SLC47A2: variants seen among roughly 807,000 people sequenced by gnomAD.
SLC47A2 encodes multidrug and toxin extrusion protein 2.
In SLC47A2, 52 loss-of-function variants were observed where a neutral mutation model predicts 67.7. The ratio of observed to expected loss-of-function variants is 0.77; its 90% CI spans 0.61 to 0.97. SLC47A2 has a LOEUF of 0.97. Ranked by LOEUF, SLC47A2 falls within the 50% of genes least tolerant of loss-of-function variation. SLC47A2 has a pLI of 0.00. For missense variants in SLC47A2, 676 were observed against 712.3 expected (o/e 0.95, Z 0.58); for synonymous variants, 278 against 292.9 (o/e 0.95, Z 0.52).
At chr17:19,704,530 G>GA in intron 10 of SLC47A2, 1 of 1,062,976 alleles carries the variant, frequency 9.4e-7, no homozygotes. Flanking sequence ...CTCCCTGTAA[G>GA]AAAAAAGATA....
At chr17:19,714,938 C>T (rs2086209580) in intron 2 of SLC47A2, 149 bp from the exon 3 acceptor site, 1 of 1,300,328 alleles carries the variant, frequency 7.7e-7, no homozygotes, top group Non-Finnish European at 1.1e-6. Flanking sequence ...GCTGTGTGCC[C>T]CAGGGCCAGA....
At position 19,678,734 on chromosome 17, in the gene SLC47A2, G is replaced by A. The variant is rs772187099; in HGVS notation, c.1653C>T (p.Ala551=). The change falls in exon 17 of 17, where the codon GCC becomes GCT. Residue 551 remains alanine, a synonymous_variant. Coordinates refer to ENST00000433844, the MANE Select transcript of SLC47A2 (RefSeq NM_001099646.3). Reference sequence around the variant, plus strand: ...TGACCGTGAGCCCCACCATCAGTGTGGCTGACGCCGCCCCCAGAGCAGCCC... The same window carrying A: ...TGACCGTGAGCCCCACCATCAGTGTAGCTGACGCCGCCCCCAGAGCAGCCC... ...RRGAALGAAS[A]TLMVGLTVRI... 2 of 1,613,746 alleles carry A rather than the reference G, an allele frequency of 1.2e-6. No individual in the cohort carries two copies. Among genetic ancestry groups the A allele is most frequent in the Non-Finnish European group, 1.7e-6 (2 of 1,180,046 alleles).
intron 13 of SLC47A2, among the ~76,000 whole-genome samples, chr17:19,701,592 C>T (rs1453510151): frequency 6.6e-6 from 1 of 152,192 alleles, no homozygotes; most frequent in Non-Finnish European, 1.5e-5. Context: ...GAAGAATTCA[C>T]GTAACTCCAG....
intron 2 of SLC47A2, 92 bp from the exon 3 acceptor site, chr17:19,714,881 T>C (rs1399906512): frequency 9.6e-6 from 15 of 1,561,126 alleles, no homozygotes; most frequent in Non-Finnish European, 1.3e-5. Context: ...CAGGAAATGC[T>C]GCCCAGCAGG....
chr17:19,706,753 T>C lies in SLC47A2; in HGVS notation c.736A>G (p.Ser246Gly). Residue 246 changes from serine to glycine, a missense_variant, in exon 9 of 17, where the codon AGC becomes GGC. Physicochemically the swap from Ser to Gly is moderately conservative, Grantham distance 56. Transcript: ENST00000433844. Reference sequence around the variant, plus strand: ...GGGCCCCAGTCCTGCAGGCACTGGCTGGACCAACCTGGAAACAGAGGCCCC... The same window carrying C: ...GGGCCCCAGTCCTGCAGGCACTGGCCGGACCAACCTGGAAACAGAGGCCCC... ...LHLETWAGWS[S>G]QCLQDWGPFF... The C allele has an allele frequency of 1.2e-6, 2 of 1,604,598 alleles. No individual in the cohort carries two copies. Among genetic ancestry groups the C allele is most frequent in the Non-Finnish European group, 1.7e-6 (2 of 1,177,684 alleles).
At position 19,714,907 on chromosome 17, in the gene SLC47A2, C is replaced by A. The variant is rs893390828; in HGVS notation, c.226-118G>T. ...GCCCAGCAGGCAGCGGTGGCAGAGG[C>A]TCTGCTCAGCAGCCTCATGTGCTGT... On this transcript the variant is annotated intron_variant, in intron 2 of 16. Coordinates refer to ENST00000433844, the MANE Select transcript of SLC47A2 (RefSeq NM_001099646.3). 4.9e-6 allele frequency: 7 copies of A among 1,436,486 alleles called. No individual in the cohort carries two copies. In the African/African-American group the frequency reaches 9.8e-5, roughly 20 times the overall value. The allele number at this position is 1,436,486 out of a possible 1,614,324, so 89.0% of individuals were successfully genotyped here.
Position 19,707,856 on chromosome 17 carries a change from G to C in SLC47A2, c.630-13C>G. On this transcript the variant is annotated splice_polypyrimidine_tract_variant and intron_variant, in intron 7 of 16. Coordinates refer to ENST00000433844, the MANE Select transcript of SLC47A2 (RefSeq NM_001099646.3). ...ATAGGCGGAGCCCCTGGGTAAGGAG[G>C]GAGAACAGGGCTGCGACTGATGCCA... 6.3e-7 allele frequency: 1 copy of C among 1,576,236 alleles called. No homozygotes were observed. The highest frequency in any genetic ancestry group is 8.6e-7 in the Non-Finnish European group (1 of 1,161,442).
intron 8 of SLC47A2, among the ~76,000 whole-genome samples, chr17:19,707,446 G>C (rs1000647527): frequency 2.0e-5 from 3 of 152,208 alleles, no homozygotes; most frequent in African/African-American, 4.8e-5. Context: ...GCTGACGCCT[G>C]GTATTCCACG....
upstream of SLC47A2, chr17:19,718,674 C>T (rs540503580): frequency 2.6e-5 from 4 of 152,362 alleles, no homozygotes; most frequent in East Asian, 7.7e-4. Flanking sequence ...AATCCCCAGA[C>T]CCCAGTGGGT....
chr17:19,694,591 C>A (rs757645169), intron 13 of SLC47A2, among the ~76,000 whole-genome samples: 1 of 152,054 alleles, frequency 6.6e-6, no homozygotes, highest in Non-Finnish European at 1.5e-5. Flanking sequence ...GAATTTAAAC[C>A]CTTACCTCAT....
At chr17:19,707,655 G>T (rs1206699688) in intron 8 of SLC47A2, 91 bp downstream of exon 8, 12 of 1,124,256 alleles carry the variant, frequency 1.1e-5, no homozygotes, top group African/African-American at 3.1e-5. Context: ...AGGCTCTACT[G>T]CACCCTCTGC....
chr17:19,689,846 C>G (rs2085502530), intron 13 of SLC47A2, among the ~76,000 whole-genome samples: 1 of 152,078 alleles, frequency 6.6e-6, no homozygotes, highest in African/African-American at 2.4e-5. Context: ...TCATACTACC[C>G]AAAGCATTCT....
chr17:19,678,485 A>G lies in SLC47A2; in HGVS notation c.*201T>C. ...AGTCCAAGTCACAGAAGAAAACTCC[A>G]GCTTGACCAGAACAGAATTGTCAAG... On this transcript the variant is annotated 3_prime_UTR_variant, in exon 17 of 17. Coordinates refer to ENST00000433844, the MANE Select transcript of SLC47A2 (RefSeq NM_001099646.3). 1 of 600,780 alleles carries G rather than the reference A, an allele frequency of 1.7e-6. No individual in the cohort carries two copies. Among genetic ancestry groups the G allele is most frequent in the Non-Finnish European group, 2.9e-6 (1 of 339,604 alleles). 37.2% of individuals were successfully genotyped at this position (600,780 alleles called of 1,614,324 possible).
chr17:19,695,011 G>C (rs2085628325), intron 13 of SLC47A2, among the ~76,000 whole-genome samples: 1 of 151,574 alleles, frequency 6.6e-6, no homozygotes, highest in South Asian at 2.1e-4. Flanking sequence ...TTGTGACCTT[G>C]GGTTAGGCAG....
chr17:19,699,538 C>G (rs995276980), intron 13 of SLC47A2, among the ~76,000 whole-genome samples: 1 of 151,442 alleles, frequency 6.6e-6, no homozygotes. Flanking sequence ...GTGCCAACCC[C>G]GCCTCCCCGC....
At chr17:19,712,634 A>G (rs1332530115) in intron 5 of SLC47A2, 69 bp downstream of exon 5, 2 of 1,513,160 alleles carry the variant, frequency 1.3e-6, no homozygotes, top group South Asian at 2.4e-5. Context: ...CGCAGCAGAT[A>G]GAGTGGGAAA....
chr17:19,713,149 G>A (rs889300276), intron 4 of SLC47A2, among the ~76,000 whole-genome samples: 3 of 152,112 alleles, frequency 2.0e-5, no homozygotes, highest in Non-Finnish European at 2.9e-5. Flanking sequence ...CAGCACTTTG[G>A]GAGGCTGAGG....
At chr17:19,710,820 T>C (rs577375064) in intron 5 of SLC47A2, among the ~76,000 whole-genome samples, 1 of 151,424 alleles carries the variant, frequency 6.6e-6, no homozygotes, top group East Asian at 1.9e-4. Flanking sequence ...ACAAATCTTT[T>C]TTTTTTTTTT....
At chr17:19,709,123 C>A (rs2152356985) in intron 5 of SLC47A2, among the ~76,000 whole-genome samples, 1 of 152,354 alleles carries the variant, frequency 6.6e-6, no homozygotes, top group South Asian at 2.1e-4. Flanking sequence ...GACCCAAGGA[C>A]CTGTTCACAG....
Sources: allele counts gnomAD v4.1 joint callset (sites outside exome capture counted in the v4.1 genomes callset), GRCh38; gene constraint gnomAD v4.1.1; transcripts MANE v1.5; gene names NCBI Gene and HGNC (gene_info 2026-07-23, HGNC 2026-07-21).